The following BRI3BP variants were observed in gnomAD, a reference collection of about 807,000 sequenced individuals.
BRI3BP encodes the protein BRI3-binding protein.
A neutral mutation model predicts 15.8 loss-of-function variants in BRI3BP; 7 were observed. That is an observed-to-expected ratio of 0.44 (90% CI 0.25 to 0.83). The LOEUF (loss-of-function observed/expected upper bound fraction) is 0.83, where lower values mean the gene tolerates loss of function less well. BRI3BP is among the 40% of genes least tolerant of loss of function. BRI3BP has a pLI of 0.20. For synonymous variants in BRI3BP, 192 were observed against 163.5 expected, an observed-to-expected ratio of 1.17 and a Z score of -1.33; for missense variants, 320 against 339.3, an observed-to-expected ratio of 0.94 and a Z score of 0.45.
the BRI3BP span, among the ~76,000 whole-genome samples, chr12:125,040,083 G>A: frequency 6.6e-6 from 1 of 152,112 alleles, no homozygotes; most frequent in African/African-American, 2.4e-5. Flanking sequence ...CCAACATGGT[G>A]AAACCCCATC....
chr12:125,018,285 G>C (rs56082845), intron 2 of BRI3BP, among the ~76,000 whole-genome samples: 34,573 of 151,960 alleles, frequency 0.23, 4,128 homozygotes, highest in South Asian at 0.4. Context: ...TGAATTGTGT[G>C]TCCCCGTATT....
chr12:125,044,337 G>C, the BRI3BP span, among the ~76,000 whole-genome samples: 7 of 152,142 alleles, frequency 4.6e-5, no homozygotes, highest in African/African-American at 1.7e-4. Context: ...TTTTAGTAGA[G>C]ACGGGGTTTC....
chr12:125,004,385 G>C (rs867358288), intron 1 of BRI3BP, among the ~76,000 whole-genome samples: 28 of 152,098 alleles, frequency 1.8e-4, no homozygotes, highest in African/African-American at 6.3e-4. Context: ...GCCCAGGCTA[G>C]TCTCTAACTC....
At chr12:124,999,408 C>T (rs1200850044) in intron 1 of BRI3BP, among the ~76,000 whole-genome samples, 2 of 151,908 alleles carry the variant, frequency 1.3e-5, no homozygotes, top group East Asian at 1.9e-4. Flanking sequence ...TTGCACTATG[C>T]GCACTGTTTT....
chr12:125,021,908 GTC>G (rs1404272052), intron 2 of BRI3BP, among the ~76,000 whole-genome samples: 1 of 151,838 alleles, frequency 6.6e-6, no homozygotes, highest in East Asian at 1.9e-4. Flanking sequence ...CCACTTCACT[GTC>G]TCTACAAAAA....
At chr12:125,019,845 T>C (rs1955280990) in intron 2 of BRI3BP, among the ~76,000 whole-genome samples, 1 of 151,934 alleles carries the variant, frequency 6.6e-6, no homozygotes, top group Non-Finnish European at 1.5e-5. Context: ...TGTTCTGCTT[T>C]AGAAACAGTT....
In BRI3BP at chr12:125,024,981, T is replaced by C; in HGVS notation, c.317-10T>C. ...CGTAACGAGCCCTGTTCCTCTTTTC[T>C]GTCCCGCAGTCTCCAACCTGTCCCA... On this transcript the variant is annotated splice_polypyrimidine_tract_variant and intron_variant, in intron 2 of 2. Transcript: ENST00000341446. 6.2e-7 allele frequency: 1 copy of C among 1,604,894 alleles called. No homozygotes were observed.
At chr12:124,994,287 C>G (rs137894760) in intron 1 of BRI3BP, among the ~76,000 whole-genome samples, 1 of 151,998 alleles carries the variant, frequency 6.6e-6, no homozygotes, top group African/African-American at 2.4e-5. Flanking sequence ...CCCGGCTGCG[C>G]TGACGCCTGC....
chr12:125,037,538 A>G, the BRI3BP span, among the ~76,000 whole-genome samples: 1 of 151,612 alleles, frequency 6.6e-6, no homozygotes, highest in Admixed American at 6.6e-5. Context: ...GTGGCCAGGC[A>G]CGGTGGCTCA....
At chr12:125,041,006 C>T in the BRI3BP span, among the ~76,000 whole-genome samples, 2 of 152,004 alleles carry the variant, frequency 1.3e-5, no homozygotes, top group African/African-American at 2.4e-5. Flanking sequence ...GCTGGGATTA[C>T]AGGCATGAGC....
At position 125,026,007 on chromosome 12, in the gene BRI3BP, G is replaced by A. The variant is rs1955351711; in HGVS notation, c.*577G>A. On this transcript the variant is annotated 3_prime_UTR_variant, in exon 3 of 3. Coordinates refer to ENST00000341446, the MANE Select transcript of BRI3BP (RefSeq NM_080626.6). ...ATGAATGTTGTCACTTCTAAATGTG[G>A]ACAGTTGGGCTGCAGGATGCAACTC... is the stretch of plus-strand genomic sequence containing the variant. The A allele has an allele frequency of 6.6e-6, 1 of 152,218 alleles. No homozygotes were observed. Among genetic ancestry groups the A allele is most frequent in the African/African-American group, 2.4e-5 (1 of 41,432 alleles). The allele number at this position is 152,218 out of a possible 1,614,324, so 9.4% of individuals were successfully genotyped here.
chr12:125,004,252 C>A (rs774912733), intron 1 of BRI3BP, among the ~76,000 whole-genome samples: 1 of 152,170 alleles, frequency 6.6e-6, no homozygotes, highest in Admixed American at 6.6e-5. Context: ...AGCTCACTTG[C>A]AGCTTCAACC....
chr12:124,995,047 C>T (rs1955029078), intron 1 of BRI3BP, among the ~76,000 whole-genome samples: 1 of 152,188 alleles, frequency 6.6e-6, no homozygotes, highest in South Asian at 2.1e-4. Flanking sequence ...GTTTTCTGCT[C>T]ATTGAGAGGG....
chr12:125,017,302 G>A (rs139313393), intron 2 of BRI3BP, among the ~76,000 whole-genome samples: 7 of 144,012 alleles, frequency 4.9e-5, no homozygotes, highest in African/African-American at 1.3e-4. Context: ...GATTACAGGC[G>A]TGAGCCACCG....
intron 2 of BRI3BP, among the ~76,000 whole-genome samples, chr12:125,022,675 C>T (rs1048432030): frequency 9.9e-5 from 15 of 151,814 alleles, no homozygotes; most frequent in Admixed American, 5.3e-4. Flanking sequence ...TACAGGTGTG[C>T]GCCACCACGC....
downstream of BRI3BP, among the ~76,000 whole-genome samples, chr12:125,031,861 C>T (rs1194826942): frequency 6.6e-6 from 1 of 152,086 alleles, no homozygotes; most frequent in African/African-American, 2.4e-5. Flanking sequence ...CATTTAGGAG[C>T]AAATGTAACA....
At chr12:125,047,355 T>C in the BRI3BP span, among the ~76,000 whole-genome samples, 2 of 152,116 alleles carry the variant, frequency 1.3e-5, no homozygotes, top group Admixed American at 6.6e-5. Context: ...ACTGTATTTT[T>C]AGTAATATGG....
intron 2 of BRI3BP, among the ~76,000 whole-genome samples, chr12:125,012,837 G>A (rs1314182790): frequency 6.6e-6 from 1 of 152,090 alleles, no homozygotes; most frequent in Admixed American, 6.6e-5. Flanking sequence ...CAGCACTTTG[G>A]GAGACCAAGG....
At chr12:125,012,720 A>G (rs1955207494) in intron 2 of BRI3BP, 84 bp downstream of exon 2, 2 of 1,074,542 alleles carry the variant, frequency 1.9e-6, no homozygotes, top group Non-Finnish European at 2.9e-6. Context: ...ACAGTGAGTA[A>G]TACATGAGAA....
Sources: allele counts gnomAD v4.1 joint callset (sites outside exome capture counted in the v4.1 genomes callset), GRCh38; gene constraint gnomAD v4.1.1; transcripts MANE v1.5; gene names NCBI Gene and HGNC (gene_info 2026-07-23, HGNC 2026-07-21).